The following CCDC7 variants were observed in gnomAD, a reference collection of about 807,000 sequenced individuals.
CCDC7 encodes coiled-coil domain-containing protein 7.
Under a neutral mutation model 196.9 loss-of-function variants are expected in CCDC7, and 183 were observed. The ratio of observed to expected loss-of-function variants is 0.93; its 90% CI spans 0.82 to 1.05. CCDC7 has a LOEUF of 1.05. Ranked by LOEUF, CCDC7 falls within the 50% of genes least tolerant of loss-of-function variation. The probability of loss-of-function intolerance (pLI) is 0.00; values close to 1 mark genes in which losing one functional copy is unlikely to be tolerated. For missense variants in CCDC7, 1,540 were observed against 1,482.2 expected (o/e 1.04, Z -0.64); for synonymous variants, 525 against 484.6 (o/e 1.08, Z -1.10).
At chr10:32,710,035 C>A (rs2141869552) in intron 24 of CCDC7, among the ~76,000 whole-genome samples, 1 of 152,054 alleles carries the variant, frequency 6.6e-6, no homozygotes, top group East Asian at 1.9e-4. Flanking sequence ...CAAATAGAAC[C>A]CAGTTGAAAA....
chr10:32,835,649 C>T (rs10827140), intron 33 of CCDC7, among the ~76,000 whole-genome samples: 73,625 of 151,706 alleles, frequency 0.49, 18,581 homozygotes, highest in East Asian at 0.91. Flanking sequence ...CATATGGACA[C>T]ATGGAGGGGA....
At chr10:32,518,360 A>G in intron 10 of CCDC7, 56 bp from the exon 12 acceptor site, 1 of 1,489,404 alleles carries the variant, frequency 6.7e-7, no homozygotes, top group Non-Finnish European at 8.9e-7. Context: ...TATCTGAATA[A>G]CCTTTCTACA....
At chr10:32,773,631 AG>A (rs2079516223) in intron 28 of CCDC7, among the ~76,000 whole-genome samples, 1 of 152,142 alleles carries the variant, frequency 6.6e-6, no homozygotes, top group Non-Finnish European at 1.5e-5. Flanking sequence ...AACTTTTAAA[AG>A]TAGATTATTC....
intron 28 of CCDC7, among the ~76,000 whole-genome samples, chr10:32,754,843 G>A (rs1441583927): frequency 6.6e-6 from 1 of 152,190 alleles, no homozygotes; most frequent in East Asian, 1.9e-4. Context: ...GGAAGTGCAA[G>A]GGGTTAGGGA....
chr10:32,697,697 G>A (rs113964584), intron 24 of CCDC7, among the ~76,000 whole-genome samples: 114 of 152,272 alleles, frequency 7.5e-4, no homozygotes, highest in African/African-American at 2.6e-3. Context: ...GGAGCCCACC[G>A]CAGCTCAACA....
chr10:32,725,311 A>G (rs1565298868), intron 25 of CCDC7: 1 of 470,852 alleles, frequency 2.1e-6, no homozygotes, highest in South Asian at 1.5e-5. Flanking sequence ...TACTACTACA[A>G]AAACAAACCT....
chr10:32,733,588 A>G (rs957304919), intron 28 of CCDC7, among the ~76,000 whole-genome samples: 2 of 152,142 alleles, frequency 1.3e-5, no homozygotes, highest in African/African-American at 2.4e-5. Context: ...TGTTTAGTCA[A>G]TATGTCTTTT....
chr10:32,685,151 T>C (rs1375993064), intron 21 of CCDC7, among the ~76,000 whole-genome samples: 2 of 151,850 alleles, frequency 1.3e-5, no homozygotes, highest in Non-Finnish European at 2.9e-5. Context: ...TTCCTTTCTT[T>C]CTTTTTTTTA....
intron 35 of CCDC7, 48 bp from the exon 37 acceptor site, chr10:32,845,828 G>C (rs1436825511): frequency 4.3e-6 from 6 of 1,390,010 alleles, no homozygotes; most frequent in Non-Finnish European, 5.1e-6. Flanking sequence ...CAGAGGTATG[G>C]TAATGTTTAC....
At chr10:32,633,161 G>T (rs1429176708) in intron 18 of CCDC7, among the ~76,000 whole-genome samples, 1 of 151,884 alleles carries the variant, frequency 6.6e-6, no homozygotes, top group Non-Finnish European at 1.5e-5. Flanking sequence ...GTACACACAG[G>T]GCTCCTCAGT....
chr10:32,637,754 C>T (rs1344081566), intron 20 of CCDC7, among the ~76,000 whole-genome samples: 2 of 152,242 alleles, frequency 1.3e-5, no homozygotes, highest in East Asian at 3.9e-4. Context: ...TAGTTTTTTC[C>T]AATTCTGTGA....
chr10:32,683,842 G>T (rs11592907), intron 21 of CCDC7, among the ~76,000 whole-genome samples: 2 of 152,104 alleles, frequency 1.3e-5, no homozygotes, highest in Non-Finnish European at 2.9e-5. Flanking sequence ...AGGTCGGAAG[G>T]CCCTGCTTAG....
intron 28 of CCDC7, among the ~76,000 whole-genome samples, chr10:32,732,723 A>G (rs1002448659): frequency 5.3e-5 from 8 of 152,168 alleles, no homozygotes; most frequent in African/African-American, 1.9e-4. Flanking sequence ...AAAGAAAGAT[A>G]GAGATTTCTC....
chr10:32,813,144 G>A (rs755805389), intron 30 of CCDC7, among the ~76,000 whole-genome samples: 1 of 152,076 alleles, frequency 6.6e-6, no homozygotes, highest in Non-Finnish European at 1.5e-5. Flanking sequence ...TACAATGGAA[G>A]GATTATGACA....
chr10:32,519,147 T>C (rs1469978911), intron 11 of CCDC7, among the ~76,000 whole-genome samples: 4 of 152,156 alleles, frequency 2.6e-5, no homozygotes, highest in African/African-American at 9.7e-5. Context: ...AGGAGTAGTC[T>C]TACACAGGTG....
intron 25 of CCDC7, among the ~76,000 whole-genome samples, chr10:32,712,744 C>G (rs1458092366): frequency 6.6e-6 from 1 of 152,150 alleles, no homozygotes; most frequent in Non-Finnish European, 1.5e-5. Flanking sequence ...TTGGTACATA[C>G]CAAGTTCCTT....
At position 32,847,433 on chromosome 10, in the gene CCDC7, T is replaced by C. The variant is rs1056555202; in HGVS notation, c.3689-400T>C. Among the ~76,000 whole-genome samples, 11 of 152,284 alleles carry C rather than the reference T, an allele frequency of 7.2e-5. No homozygotes were observed. In the East Asian group the frequency reaches 1.9e-3, roughly 27 times the overall value. ...GCCAACGAAACCTCAAAGCACTTAT[T>C]ATAAGTGTGTTCTTAGAGTTAAAGG... On this transcript the variant is annotated intron_variant, in intron 37 of 41. Transcript: ENST00000639629.
chr10:32,715,907 A>T (rs958727104), intron 25 of CCDC7, among the ~76,000 whole-genome samples: 5 of 152,254 alleles, frequency 3.3e-5, no homozygotes, highest in Non-Finnish European at 5.9e-5. Context: ...CTATGTGAAA[A>T]GACCAAACTT....
intron 32 of CCDC7, among the ~76,000 whole-genome samples, chr10:32,831,105 A>G (rs1446384943): frequency 2.0e-5 from 3 of 152,220 alleles, no homozygotes; most frequent in African/African-American, 7.2e-5. Flanking sequence ...TATATTGTAT[A>G]GCCTATTGCT....
Sources: gnomAD v4.1 joint callset for allele counts (sites outside exome capture counted in the v4.1 genomes callset) on GRCh38, gnomAD v4.1.1 for gene constraint, MANE v1.5 for transcripts, NCBI Gene and HGNC (gene_info 2026-07-23, HGNC 2026-07-21) for gene names.